The following ARIH1 variants were observed in gnomAD, a reference collection of about 807,000 sequenced individuals.
ARIH1 encodes the protein ariadne RBR E3 ubiquitin protein ligase 1.
ARIH1 carries 8 observed loss-of-function variants against 85.0 expected under a neutral mutation model. That is an observed-to-expected ratio of 0.09 (90% CI 0.06 to 0.17). ARIH1 has a LOEUF of 0.17. ARIH1 is among the 10% of genes least tolerant of loss of function. ARIH1 has a pLI of 1.00. For missense variants in ARIH1, 311 were observed against 718.1 expected (o/e 0.43, Z 6.48); for synonymous variants, 238 against 253.6 (o/e 0.94, Z 0.59).
rs764592914 is a variant in ARIH1 at position 72,583,268 on chromosome 15, T to C, written c.1650T>C (p.Asp550=). The C allele has an allele frequency of 6.2e-7, 1 of 1,613,134 alleles. No individual in the cohort carries two copies. Among genetic ancestry groups the C allele is most frequent in the East Asian group, 2.2e-5 (1 of 44,846 alleles). ...ATGTGCATGAAGGCTATGAAAAAGA[T>C]CTGTGGGAGTACATTGAGGACTGAG... ...LQHVHEGYEK[D]LWEYIED is the part of the protein sequence containing the mutation. The change falls in exon 14 of 14, where the codon GAT becomes GAC. Residue 550 remains aspartate, a synonymous_variant. Coordinates refer to ENST00000379887, the MANE Select transcript of ARIH1 (RefSeq NM_005744.5).
At chr15:72,486,237 A>T (rs1484913910) in intron 1 of ARIH1, among the ~76,000 whole-genome samples, 1 of 152,184 alleles carries the variant, frequency 6.6e-6, no homozygotes, top group Non-Finnish European at 1.5e-5. Context: ...GTCTGAAAAT[A>T]TTAAATAGAA....
intron 1 of ARIH1, among the ~76,000 whole-genome samples, chr15:72,510,886 A>G (rs1223712428): frequency 6.6e-6 from 1 of 150,662 alleles, no homozygotes; most frequent in African/African-American, 2.4e-5. Context: ...TCTTTTTGCC[A>G]GTACTGTAAC....
chr15:72,486,736 C>T (rs930909023), intron 1 of ARIH1, among the ~76,000 whole-genome samples: 2 of 144,696 alleles, frequency 1.4e-5, no homozygotes, highest in Non-Finnish European at 3.0e-5. Flanking sequence ...CTCTGTGGCC[C>T]AGGCTGGAGT....
Position 72,601,682 on chromosome 15 carries a change from C to T in ARIH1, c.*18390C>T, listed in dbSNP as rs1595879770. ...TTGTTCTAACTGTTCTATATTTCTC[C>T]TTCTTAGCATTTATCACAATTCTTG... On this transcript the variant is annotated 3_prime_UTR_variant, in exon 14 of 14. Coordinates refer to ENST00000379887, the MANE Select transcript of ARIH1 (RefSeq NM_005744.5). 6.6e-6 allele frequency: 1 copy of T among 152,174 alleles called. No individual in the cohort carries two copies. The highest frequency in any genetic ancestry group is 2.4e-5 in the African/African-American group (1 of 41,438). The allele number at this position is 152,174 out of a possible 1,614,324, so 9.4% of individuals were successfully genotyped here.
intron 7 of ARIH1, chr15:72,566,225 T>G (rs2064220100): frequency 4.2e-6 from 1 of 239,314 alleles, no homozygotes; most frequent in African/African-American, 2.3e-5. Context: ...ATTTAGGGTG[T>G]TAAGTAAAAG....
At chr15:72,541,770 A>C (rs2064108468) in intron 2 of ARIH1, among the ~76,000 whole-genome samples, 1 of 152,230 alleles carries the variant, frequency 6.6e-6, no homozygotes, top group Non-Finnish European at 1.5e-5. Flanking sequence ...TTTAAGAAGA[A>C]ACTAAGTGCT....
In ARIH1 at chr15:72,595,877, T is replaced by G. The variant is rs1385290773; in HGVS notation, c.*12585T>G. On this transcript the variant is annotated 3_prime_UTR_variant, in exon 14 of 14. Coordinates refer to ENST00000379887, the MANE Select transcript of ARIH1 (RefSeq NM_005744.5). ...CTGAGTCTTGCTCTATCTCCCAGGC[T>G]GTGGTGCAGTGGTGCAATCTGCAAC... 6.7e-6 allele frequency: 1 copy of G among 150,334 alleles called. No homozygotes were observed. Among genetic ancestry groups the G allele is most frequent in the East Asian group, 2.0e-4 (1 of 5,018 alleles). The allele number at this position is 150,334 out of a possible 1,614,324, so 9.3% of individuals were successfully genotyped here.
chr15:72,567,469 T>C (rs1305635056), intron 9 of ARIH1, among the ~76,000 whole-genome samples: 1 of 152,190 alleles, frequency 6.6e-6, no homozygotes, highest in African/African-American at 2.4e-5. Context: ...TTTTCAAGTG[T>C]GGGATTTGTG....
intron 2 of ARIH1, among the ~76,000 whole-genome samples, chr15:72,533,765 T>C (rs1013727210): frequency 6.6e-6 from 1 of 151,984 alleles, no homozygotes; most frequent in Non-Finnish European, 1.5e-5. Context: ...CAATTAGCTA[T>C]GCATGGTGGC....
chr15:72,538,825 A>G (rs2064094198), intron 2 of ARIH1, among the ~76,000 whole-genome samples: 1 of 152,240 alleles, frequency 6.6e-6, no homozygotes, highest in South Asian at 2.1e-4. Flanking sequence ...AGAGAAGAGA[A>G]TTTACAATCT....
At chr15:72,538,157 A>G (rs998054415) in intron 2 of ARIH1, among the ~76,000 whole-genome samples, 1 of 152,174 alleles carries the variant, frequency 6.6e-6, no homozygotes, top group African/African-American at 2.4e-5. Context: ...TGAGCCCAGG[A>G]GTTTGAGACC....
In ARIH1 at chr15:72,588,186, G is replaced by GA. The variant is rs1244514741; in HGVS notation, c.*4894_*4895insA. On this transcript the variant is annotated 3_prime_UTR_variant, in exon 14 of 14. Transcript: ENST00000379887. ...GAAATAGAGTACCCTGGAGTAGATG[G>GA]GCTCTGAGAGGAGCCTGTGAAATCC... 1.4e-4 allele frequency: 22 copies of GA among 152,198 alleles called. No individual in the cohort carries two copies. The highest frequency in any genetic ancestry group is 5.1e-4 in the African/African-American group (21 of 41,546). 9.4% of individuals were successfully genotyped at this position (152,198 alleles called of 1,614,324 possible). A position where few individuals can be genotyped will look rare whatever the true frequency, so the allele number is the denominator to read the frequency against.
At chr15:72,481,115 T>C (rs2063815012) in intron 1 of ARIH1, among the ~76,000 whole-genome samples, 1 of 152,228 alleles carries the variant, frequency 6.6e-6, no homozygotes. Flanking sequence ...ATTAAAGTGT[T>C]TGATATAGTT....
intron 7 of ARIH1, among the ~76,000 whole-genome samples, chr15:72,565,020 A>G (rs2064213221): frequency 6.6e-6 from 1 of 152,166 alleles, no homozygotes; most frequent in African/African-American, 2.4e-5. Context: ...TTGAGGAGTA[A>G]GAAGCCAATC....
chr15:72,527,254 G>T (rs1364626921), intron 2 of ARIH1, among the ~76,000 whole-genome samples: 1 of 152,152 alleles, frequency 6.6e-6, no homozygotes, highest in Non-Finnish European at 1.5e-5. Context: ...TTTAGTGGAG[G>T]CACTGTTGCT....
At position 72,525,761 on chromosome 15, in the gene ARIH1, G is replaced by A. The variant is rs2064024786; in HGVS notation, c.443+7627G>A. ...TGAAAAGAAACATGGAATGTAAGTA[G>A]TTGTAGCTTCGGTGACCCCTGTGTT... On this transcript the variant is annotated intron_variant, in intron 2 of 13. Coordinates refer to ENST00000379887, the MANE Select transcript of ARIH1 (RefSeq NM_005744.5). Among the ~76,000 whole-genome samples, 6 of 151,588 alleles carry A rather than the reference G, an allele frequency of 4.0e-5. No homozygotes were observed. The South Asian group carries it at 1.2e-3, about 32-fold the overall frequency.
At chr15:72,548,739 T>C (rs1248090081) in intron 3 of ARIH1, among the ~76,000 whole-genome samples, 1 of 152,172 alleles carries the variant, frequency 6.6e-6, no homozygotes, top group African/African-American at 2.4e-5. Flanking sequence ...GATGAGTGAG[T>C]TCTTCACTTA....
intron 3 of ARIH1, among the ~76,000 whole-genome samples, chr15:72,552,366 C>T (rs963531385): frequency 6.6e-6 from 1 of 152,176 alleles, no homozygotes; most frequent in Admixed American, 6.5e-5. Context: ...TGGCTCACTG[C>T]AACCTCTGCC....
intron 2 of ARIH1, among the ~76,000 whole-genome samples, chr15:72,523,749 T>C (rs746624590): frequency 3.9e-5 from 6 of 152,000 alleles, no homozygotes; most frequent in Admixed American, 6.6e-5. Context: ...CAGGGTTATA[T>C]GGGAGCTGTA....
Sources: gnomAD v4.1 joint callset for allele counts (sites outside exome capture counted in the v4.1 genomes callset) on GRCh38, gnomAD v4.1.1 for gene constraint, MANE v1.5 for transcripts, NCBI Gene and HGNC (gene_info 2026-07-23, HGNC 2026-07-21) for gene names.